The following THSD4 variants were observed in gnomAD, a reference collection of about 807,000 sequenced individuals.
THSD4 encodes thrombospondin type 1 domain containing 4, also known as thrombospondin type-1 domain-containing protein 4.
In THSD4, 69 loss-of-function variants were observed where a neutral mutation model predicts 119.0. That is an observed-to-expected ratio of 0.58 (90% CI 0.48 to 0.71). THSD4 has a LOEUF of 0.71. Among genes scored for constraint, THSD4 ranks in the 30% least tolerant of loss-of-function variants. The pLI, the probability that THSD4 is intolerant of heterozygous loss-of-function variation, is 0.00. For missense variants in THSD4, 1,393 were observed against 1,391.1 expected, an observed-to-expected ratio of 1.00 and a Z score of -0.02; for synonymous variants, 524 against 540.4, an observed-to-expected ratio of 0.97 and a Z score of 0.42.
At chr15:71,469,402 G>A (rs1361162932) in intron 7 of THSD4, among the ~76,000 whole-genome samples, 1 of 152,148 alleles carries the variant, frequency 6.6e-6, no homozygotes, top group Non-Finnish European at 1.5e-5. Context: ...GAATGCAGCT[G>A]CAGGTTCACA....
chr15:71,432,726 T>C (rs2046958675), intron 7 of THSD4, among the ~76,000 whole-genome samples: 1 of 152,064 alleles, frequency 6.6e-6, no homozygotes, highest in Non-Finnish European at 1.5e-5. Flanking sequence ...TTATAAACTT[T>C]TATAACCTCT....
At chr15:71,275,104 G>T (rs922528747) in intron 6 of THSD4, among the ~76,000 whole-genome samples, 15 of 151,886 alleles carry the variant, frequency 9.9e-5, no homozygotes, top group African/African-American at 3.6e-4. Flanking sequence ...ACAGATGCAG[G>T]AATAGAGACT....
intron 7 of THSD4, among the ~76,000 whole-genome samples, chr15:71,521,309 T>G (rs1173419919): frequency 6.6e-6 from 1 of 152,204 alleles, no homozygotes; most frequent in Non-Finnish European, 1.5e-5. Flanking sequence ...ATGTTTTAGT[T>G]TTCTATTATT....
chr15:71,517,422 C>T (rs551636496), intron 7 of THSD4, among the ~76,000 whole-genome samples: 1 of 152,336 alleles, frequency 6.6e-6, no homozygotes, highest in East Asian at 1.9e-4. Flanking sequence ...TTCTAGCCCT[C>T]AGTCCTTTCT....
chr15:71,532,263 T>TGAGAGA (rs112859786), intron 7 of THSD4, among the ~76,000 whole-genome samples: 1,339 of 71,624 alleles, frequency 0.019, 67 homozygotes, highest in Admixed American at 0.048. Flanking sequence ...CAACAAAGGG[T>TGAGAGA]GAGAGAGAGA....
At chr15:71,677,731 T>G (rs1430447593) in intron 8 of THSD4, among the ~76,000 whole-genome samples, 1 of 152,254 alleles carries the variant, frequency 6.6e-6, no homozygotes, top group African/African-American at 2.4e-5. Flanking sequence ...CCTGGAAATG[T>G]GAGACTGAGT....
At chr15:71,101,686 A>C (rs755127135) in intron 1 of THSD4, among the ~76,000 whole-genome samples, 10 of 151,842 alleles carry the variant, frequency 6.6e-5, no homozygotes, top group Non-Finnish European at 1.3e-4. Context: ...ACTGGATATA[A>C]GATTCTGGAT....
chr15:71,284,786 C>T (rs1247499374), intron 6 of THSD4, among the ~76,000 whole-genome samples: 1 of 151,760 alleles, frequency 6.6e-6, no homozygotes, highest in Non-Finnish European at 1.5e-5. Flanking sequence ...TCATTGTATC[C>T]AGGTCTTTAC....
At chr15:71,124,660 A>C (rs1346604682) in intron 1 of THSD4, among the ~76,000 whole-genome samples, 2 of 152,212 alleles carry the variant, frequency 1.3e-5, no homozygotes, top group Non-Finnish European at 2.9e-5. Flanking sequence ...TATTCTAGTG[A>C]ATTAAAAATT....
At chr15:71,378,218 G>A (rs2046177233) in intron 6 of THSD4, among the ~76,000 whole-genome samples, 1 of 152,154 alleles carries the variant, frequency 6.6e-6, no homozygotes, top group South Asian at 2.1e-4. Context: ...TAACAGTAAA[G>A]TGGCTTTTTC....
intron 10 of THSD4, among the ~76,000 whole-genome samples, chr15:71,736,043 C>T (rs2053090889): frequency 7.1e-6 from 1 of 141,246 alleles, no homozygotes. Flanking sequence ...CTCTCCTGCT[C>T]TCTTGCTTTC....
At chr15:71,621,647 ATGTT>A (rs2050420444) in intron 7 of THSD4, among the ~76,000 whole-genome samples, 1 of 152,236 alleles carries the variant, frequency 6.6e-6, no homozygotes, top group South Asian at 2.1e-4. Flanking sequence ...ATTAATAGCT[ATGTT>A]TGGACACTAA....
chr15:71,125,805 G>A (rs536704045), intron 1 of THSD4, among the ~76,000 whole-genome samples: 1 of 152,390 alleles, frequency 6.6e-6, no homozygotes, highest in East Asian at 1.9e-4. Flanking sequence ...GAAGGTGACT[G>A]TGGTGCTGTG....
At chr15:71,442,660 G>GTGTGTA in intron 7 of THSD4, among the ~76,000 whole-genome samples, 12 of 25,820 alleles carry the variant, frequency 4.6e-4, no homozygotes, top group African/African-American at 1.2e-3. Context: ...GTGTGTGTGT[G>GTGTGTA]TATATATATA....
intron 17 of THSD4, among the ~76,000 whole-genome samples, chr15:71,774,163 T>C (rs184931600): frequency 8.9e-4 from 135 of 152,066 alleles, no homozygotes; most frequent in African/African-American, 3.1e-3. Context: ...ATATAAAAAT[T>C]AGCCAGGTGT....
chr15:71,336,869 C>T lies in THSD4; in HGVS notation c.1016-74818C>T, dbSNP rs150146636. Among the ~76,000 whole-genome samples the T allele has an allele frequency of 2.1e-3, 321 of 152,274 alleles. 1 individual carries two copies. Among genetic ancestry groups the T allele is most frequent in the African/African-American group, 6.7e-3 (279 of 41,566 alleles). On this transcript the variant is annotated intron_variant, in intron 6 of 17. Transcript: ENST00000261862. ...ACGAGCTAGACTTTCACACTTTCAC[C>T]GGTGGAAAATGCTGTTCCTTCATGT...
chr15:71,346,120 G>C (rs532959611), intron 6 of THSD4, among the ~76,000 whole-genome samples: 1 of 86,938 alleles, frequency 1.2e-5, no homozygotes, highest in Non-Finnish European at 2.8e-5. Context: ...TTTAGTTGTC[G>C]CATCTCTGGT....
At chr15:71,228,200 G>C (rs1227779132) in intron 4 of THSD4, among the ~76,000 whole-genome samples, 1 of 152,082 alleles carries the variant, frequency 6.6e-6, no homozygotes, top group African/African-American at 2.4e-5. Context: ...GAGACAAGCA[G>C]AGGGAGATGT....
chr15:71,281,822 G>C (rs2044656744), intron 6 of THSD4, among the ~76,000 whole-genome samples: 1 of 152,116 alleles, frequency 6.6e-6, no homozygotes, highest in Non-Finnish European at 1.5e-5. Context: ...GAGGAATTTT[G>C]TATCTTAGAT....
Sources: gnomAD v4.1 joint callset for allele counts (sites outside exome capture counted in the v4.1 genomes callset) on GRCh38, gnomAD v4.1.1 for gene constraint, MANE v1.5 for transcripts, NCBI Gene and HGNC (gene_info 2026-07-23, HGNC 2026-07-21) for gene names.